The following RBM47 variants were observed in gnomAD, a reference collection of about 807,000 sequenced individuals.
The protein encoded by RBM47 is RNA binding motif protein 47.
Under a neutral mutation model 47.1 loss-of-function variants are expected in RBM47, and 21 were observed. That is an observed-to-expected ratio of 0.45 (90% CI 0.32 to 0.64). The LOEUF (loss-of-function observed/expected upper bound fraction) is 0.64. Among genes scored for constraint, RBM47 ranks in the 30% least tolerant of loss-of-function variants. RBM47 has a pLI of 0.05. For synonymous variants in RBM47, 375 were observed against 361.7 expected (o/e 1.04, Z -0.42); for missense variants, 708 against 870.9 (o/e 0.81, Z 2.35).
intron 1 of RBM47, among the ~76,000 whole-genome samples, chr4:40,577,114 A>G (rs898971216): frequency 2.0e-5 from 3 of 152,190 alleles, no homozygotes; most frequent in Non-Finnish European, 2.9e-5. Context: ...GTCACGTGCT[A>G]AAGAGGAAAC....
chr4:40,452,366 A>G (rs1163132619), intron 3 of RBM47, among the ~76,000 whole-genome samples: 2 of 152,172 alleles, frequency 1.3e-5, no homozygotes, highest in South Asian at 4.1e-4. Context: ...TGTGGTAGAC[A>G]GTGGAGAGCC....
At chr4:40,585,512 C>A (rs1406695616) in intron 1 of RBM47, among the ~76,000 whole-genome samples, 1 of 152,140 alleles carries the variant, frequency 6.6e-6, no homozygotes. Flanking sequence ...AAAGAAAAAG[C>A]ACGTACATTA....
At chr4:40,485,004 T>C (rs576692191) in intron 2 of RBM47, among the ~76,000 whole-genome samples, 1 of 150,882 alleles carries the variant, frequency 6.6e-6, no homozygotes, top group East Asian at 1.9e-4. Context: ...TTTTTTTTTG[T>C]TTGTTTTCTT....
chr4:40,495,266 C>T (rs1722417916), intron 2 of RBM47, among the ~76,000 whole-genome samples: 1 of 152,138 alleles, frequency 6.6e-6, no homozygotes, highest in Non-Finnish European at 1.5e-5. Flanking sequence ...ATCTATTTTT[C>T]CAGGTCTCAT....
At chr4:40,598,508 C>T (rs1314410076) in intron 1 of RBM47, among the ~76,000 whole-genome samples, 1 of 152,010 alleles carries the variant, frequency 6.6e-6, no homozygotes, top group Non-Finnish European at 1.5e-5. Flanking sequence ...CCTCAGGCTC[C>T]CAAAGTGCTG....
chr4:40,425,827 CAT>C lies in RBM47; in HGVS notation c.*75_*76del. ...TTTCAGGTTGCATGTGTGAATCCAA[CAT>C]GTTCCTTCTTCATAAATAGTCAAGC... On this transcript the variant is annotated 3_prime_UTR_variant, in exon 7 of 7. Coordinates refer to ENST00000295971, the MANE Select transcript of RBM47 (RefSeq NM_001098634.2). 1 of 1,539,564 alleles carries C rather than the reference CAT, an allele frequency of 6.5e-7. No homozygotes were observed. Among genetic ancestry groups the C allele is most frequent in the Non-Finnish European group, 8.8e-7 (1 of 1,132,732 alleles).
chr4:40,544,427 C>G lies in RBM47; in HGVS notation c.-160G>C, dbSNP rs1477479030. 6.6e-6 allele frequency: 1 copy of G among 152,196 alleles called. No homozygotes were observed. Among genetic ancestry groups the G allele is most frequent in the East Asian group, 1.9e-4 (1 of 5,204 alleles). The allele number at this position is 152,196 out of a possible 1,614,324, so 9.4% of individuals were successfully genotyped here. A position where few individuals can be genotyped will look rare whatever the true frequency, so the allele number is the denominator to read the frequency against. On this transcript the variant is annotated 5_prime_UTR_variant, in exon 2 of 7. Coordinates refer to ENST00000295971, the MANE Select transcript of RBM47 (RefSeq NM_001098634.2). ...TGAAGATGATGCCAACTTACCAAACCTCCTCAGTGAGCCAAGGATTGCTGA... is the reference window on the plus strand; with the variant it reads ...TGAAGATGATGCCAACTTACCAAACGTCCTCAGTGAGCCAAGGATTGCTGA...
chr4:40,431,401 G>C (rs1443901095), intron 6 of RBM47, among the ~76,000 whole-genome samples: 1 of 152,194 alleles, frequency 6.6e-6, no homozygotes, highest in Non-Finnish European at 1.5e-5. Context: ...GCTCACGCCT[G>C]TAATCCCAGC....
chr4:40,596,986 C>T (rs111254926), intron 1 of RBM47, among the ~76,000 whole-genome samples: 46,734 of 152,038 alleles, frequency 0.31, 7,816 homozygotes, highest in African/African-American at 0.42. Flanking sequence ...ATCGGCCGGG[C>T]GCGATGGCTC....
At chr4:40,477,577 T>TA (rs1275914724) in intron 2 of RBM47, among the ~76,000 whole-genome samples, 4 of 152,192 alleles carry the variant, frequency 2.6e-5, no homozygotes, top group Admixed American at 2.0e-4. Flanking sequence ...TTTTAAGCAT[T>TA]AGAGAGTATT....
intron 6 of RBM47, among the ~76,000 whole-genome samples, chr4:40,431,083 A>T (rs1054983653): frequency 1.3e-5 from 2 of 150,302 alleles, no homozygotes; most frequent in African/African-American, 4.9e-5. Context: ...AAAATCAAAA[A>T]TCAAAAATCA....
intron 1 of RBM47, among the ~76,000 whole-genome samples, chr4:40,592,729 T>C (rs1321922351): frequency 1.3e-5 from 2 of 149,852 alleles, no homozygotes; most frequent in Non-Finnish European, 3.0e-5. Flanking sequence ...TGGCCAACTT[T>C]TGTATTTTTT....
intron 5 of RBM47, among the ~76,000 whole-genome samples, chr4:40,435,006 C>G (rs907076523): frequency 3.3e-5 from 5 of 152,172 alleles, no homozygotes; most frequent in African/African-American, 1.2e-4. Flanking sequence ...CAGGGTGCTA[C>G]GTGAGTTTGT....
chr4:40,483,735 A>C (rs1002111061), intron 2 of RBM47, among the ~76,000 whole-genome samples: 13 of 152,184 alleles, frequency 8.5e-5, no homozygotes, highest in Non-Finnish European at 1.6e-4. Context: ...ACAATACAAT[A>C]CACTATCATT....
intron 2 of RBM47, among the ~76,000 whole-genome samples, chr4:40,475,449 A>G (rs1440289310): frequency 6.6e-6 from 1 of 152,244 alleles, no homozygotes; most frequent in Non-Finnish European, 1.5e-5. Flanking sequence ...TATAAAGTGA[A>G]AAGCTGTTAG....
intron 1 of RBM47, among the ~76,000 whole-genome samples, chr4:40,617,339 A>C (rs1248810415): frequency 1.3e-5 from 2 of 152,082 alleles, no homozygotes; most frequent in Admixed American, 6.6e-5. Flanking sequence ...CAGGCGGATC[A>C]CAAGGTCAGG....
At chr4:40,500,320 A>C (rs61194513) in intron 2 of RBM47, among the ~76,000 whole-genome samples, 4,339 of 150,104 alleles carry the variant, frequency 0.029, 91 homozygotes, top group African/African-American at 0.057. Context: ...TCCCCCCCCA[A>C]AAAAAAAAGG....
chr4:40,570,652 G>C (rs372394337), intron 1 of RBM47, among the ~76,000 whole-genome samples: 5 of 151,944 alleles, frequency 3.3e-5, no homozygotes, highest in African/African-American at 1.2e-4. Flanking sequence ...TGGAAAGTTG[G>C]AGAACACAGC....
chr4:40,549,115 G>T (rs1016937543), intron 1 of RBM47, among the ~76,000 whole-genome samples: 2 of 150,316 alleles, frequency 1.3e-5, no homozygotes, highest in East Asian at 3.9e-4. Flanking sequence ...TTTTTGGGGG[G>T]GGGGACACAG....
Sources: allele counts gnomAD v4.1 joint callset (sites outside exome capture counted in the v4.1 genomes callset), GRCh38; gene constraint gnomAD v4.1.1; transcripts MANE v1.5; gene names NCBI Gene and HGNC (gene_info 2026-07-23, HGNC 2026-07-21).